CERT1: variants seen among roughly 807,000 people sequenced by gnomAD.
The protein encoded by CERT1 is ceramide transfer protein.
In CERT1, 31 loss-of-function variants were observed where a neutral mutation model predicts 87.9. The ratio of observed to expected loss-of-function variants is 0.35; its 90% CI spans 0.27 to 0.48. The LOEUF is 0.48. CERT1 is among the 20% of genes least tolerant of loss of function. CERT1 has a pLI of 0.99. For missense variants in CERT1, 487 were observed against 758.0 expected, an observed-to-expected ratio of 0.64 and a Z score of 4.20; for synonymous variants, 289 against 250.9, an observed-to-expected ratio of 1.15 and a Z score of -1.44.
At chr5:75,432,007 G>A (rs1580762135) in intron 3 of CERT1, among the ~76,000 whole-genome samples, 1 of 151,722 alleles carries the variant, frequency 6.6e-6, no homozygotes, top group African/African-American at 2.4e-5. Flanking sequence ...ATTCCACAGT[G>A]GCTGAACTAA....
chr5:75,417,216 C>A (rs537557199), intron 6 of CERT1, among the ~76,000 whole-genome samples, 183 bp from the exon 7 acceptor site: 2 of 152,128 alleles, frequency 1.3e-5, no homozygotes, highest in Non-Finnish European at 2.9e-5. Context: ...AGCTTCGTGG[C>A]AGCATATGTA....
chr5:75,458,829 C>T (rs577666921), intron 3 of CERT1, among the ~76,000 whole-genome samples: 111 of 152,262 alleles, frequency 7.3e-4, no homozygotes, highest in African/African-American at 2.5e-3. Context: ...GGAATACAGG[C>T]GTGAGCCACC....
chr5:75,426,981 C>T (rs1475334418), intron 3 of CERT1, among the ~76,000 whole-genome samples: 2 of 152,160 alleles, frequency 1.3e-5, no homozygotes, highest in African/African-American at 4.8e-5. Context: ...ACAGCATTTA[C>T]CATTCACAAT....
At chr5:75,408,941 C>A (rs1426000766) in intron 8 of CERT1, among the ~76,000 whole-genome samples, 1 of 151,316 alleles carries the variant, frequency 6.6e-6, no homozygotes, top group Admixed American at 6.6e-5. Flanking sequence ...AAAAAAAAAA[C>A]AAAACCTGTG....
downstream of CERT1, chr5:75,374,393 G>A (rs1166038144): frequency 7.2e-6 from 4 of 553,720 alleles, no homozygotes; most frequent in Non-Finnish European, 1.3e-5. Context: ...AGGAATCAAA[G>A]GTATATGGAA....
chr5:75,465,344 A>T (rs1274967956), intron 2 of CERT1, among the ~76,000 whole-genome samples: 2 of 152,198 alleles, frequency 1.3e-5, no homozygotes, highest in Non-Finnish European at 2.9e-5. Flanking sequence ...ATCCTGCCAA[A>T]CACTTGTGAG....
intron 10 of CERT1, among the ~76,000 whole-genome samples, chr5:75,399,620 AAG>A (rs1762386858): frequency 6.6e-6 from 1 of 152,190 alleles, no homozygotes; most frequent in Non-Finnish European, 1.5e-5. Context: ...AACCCCAAAG[AAG>A]AGAGAGATTT....
At chr5:75,384,572 T>A in intron 14 of CERT1, 70 bp downstream of exon 14, 1 of 1,085,382 alleles carries the variant, frequency 9.2e-7, no homozygotes, top group South Asian at 1.4e-5. Context: ...CCAATTTTAC[T>A]TTAGAGAATC....
chr5:75,412,234 G>A (rs1762960349), intron 7 of CERT1, among the ~76,000 whole-genome samples: 1 of 151,380 alleles, frequency 6.6e-6, no homozygotes, highest in Admixed American at 6.6e-5. Flanking sequence ...GATTTGCTTG[G>A]TCCCCCTATT....
intron 2 of CERT1, among the ~76,000 whole-genome samples, chr5:75,502,258 G>T (rs1032923434): frequency 2.6e-5 from 4 of 152,116 alleles, no homozygotes; most frequent in Non-Finnish European, 5.9e-5. Context: ...CCATTTTAAT[G>T]TAGCAGTTTG....
intron 3 of CERT1, among the ~76,000 whole-genome samples, chr5:75,427,994 A>G (rs1468067316): frequency 6.6e-6 from 1 of 152,206 alleles, no homozygotes; most frequent in Non-Finnish European, 1.5e-5. Flanking sequence ...ATTAGGAAAC[A>G]AAATTATATA....
chr5:75,509,047 A>G (rs1767790559), intron 1 of CERT1, among the ~76,000 whole-genome samples: 1 of 152,200 alleles, frequency 6.6e-6, no homozygotes, highest in Non-Finnish European at 1.5e-5. Context: ...TAAGTGATTT[A>G]TAAGAAATAT....
chr5:75,470,385 AAGG>A (rs1222329439), intron 2 of CERT1, among the ~76,000 whole-genome samples: 1 of 152,182 alleles, frequency 6.6e-6, no homozygotes, highest in East Asian at 1.9e-4. Context: ...AAGTCAATAA[AAGG>A]AGGAGCTTTG....
At chr5:75,468,917 G>A (rs182533306) in intron 2 of CERT1, among the ~76,000 whole-genome samples, 1 of 152,170 alleles carries the variant, frequency 6.6e-6, no homozygotes, top group East Asian at 1.9e-4. Flanking sequence ...GAACAACCAG[G>A]GAAACATGAC....
intron 2 of CERT1, among the ~76,000 whole-genome samples, chr5:75,486,500 T>C (rs532730557): frequency 6.6e-6 from 1 of 152,046 alleles, no homozygotes; most frequent in African/African-American, 2.4e-5. Context: ...CTAGAGCAAT[T>C]GAAAAAGAGA....
At chr5:75,410,956 T>G in intron 8 of CERT1, 55 bp downstream of exon 8, 1 of 947,812 alleles carries the variant, frequency 1.1e-6, no homozygotes, top group Non-Finnish European at 1.6e-6. Context: ...AAAAAATCAC[T>G]TTTGTGATAG....
chr5:75,484,113 T>C (rs1303126244), intron 2 of CERT1, among the ~76,000 whole-genome samples: 1 of 151,614 alleles, frequency 6.6e-6, no homozygotes, highest in Admixed American at 6.6e-5. Flanking sequence ...TTTTATGAAT[T>C]CTCTCTGTTT....
intron 3 of CERT1, among the ~76,000 whole-genome samples, chr5:75,447,445 A>ATTTATTTATTT: frequency 6.7e-6 from 1 of 148,924 alleles, no homozygotes; most frequent in South Asian, 2.1e-4. Flanking sequence ...TTTTAAAAAA[A>ATTTATTTATTT]ATTTATTTAT....
chr5:75,474,549 G>T (rs1765869933), intron 2 of CERT1, among the ~76,000 whole-genome samples: 1 of 152,034 alleles, frequency 6.6e-6, no homozygotes, highest in South Asian at 2.1e-4. Flanking sequence ...CCAATCTGAA[G>T]AATAATGAAT....
Sources: gnomAD v4.1 joint callset for allele counts (sites outside exome capture counted in the v4.1 genomes callset) on GRCh38, gnomAD v4.1.1 for gene constraint, MANE v1.5 for transcripts, NCBI Gene and HGNC (gene_info 2026-07-23, HGNC 2026-07-21) for gene names.